DTNBP1: variants seen among roughly 807,000 people sequenced by gnomAD.
DTNBP1 encodes the protein dysbindin.
Under a neutral mutation model 42.8 loss-of-function variants are expected in DTNBP1, and 35 were observed. The ratio of observed to expected loss-of-function variants is 0.82; its 90% CI spans 0.63 to 1.09. The LOEUF is 1.09. Among genes scored for constraint, DTNBP1 ranks in the 50% least tolerant of loss-of-function variants. The pLI is 0.00. For missense variants in DTNBP1, 457 were observed against 424.2 expected (o/e 1.08, Z -0.68); for synonymous variants, 171 against 162.2 (o/e 1.05, Z -0.41).
intron 7 of DTNBP1, chr6:15,546,028 C>A: frequency 2.2e-6 from 1 of 447,952 alleles, no homozygotes; most frequent in Non-Finnish European, 4.5e-6. Context: ...GAGGGTGGAG[C>A]TGGCTGAATA....
intron 4 of DTNBP1, among the ~76,000 whole-genome samples, chr6:15,629,808 A>G (rs916286866): frequency 7.2e-5 from 11 of 152,176 alleles, no homozygotes; most frequent in African/African-American, 2.7e-4. Context: ...CTTAGATTCC[A>G]TCCCAGGGAA....
rs904473055 is a variant in DTNBP1, at chr6:15,524,555, T to C, written c.782A>G (p.Glu261Gly). 2 of 1,610,316 alleles carry C rather than the reference T, an allele frequency of 1.2e-6. No individual in the cohort carries two copies. Among genetic ancestry groups the C allele is most frequent in the East Asian group, 2.2e-5 (1 of 44,798 alleles). Residue 261 changes from glutamate to glycine, a missense_variant, in exon 9 of 10, where the codon GAA becomes GGA. Coordinates refer to ENST00000344537, the MANE Select transcript of DTNBP1 (RefSeq NM_032122.5). ...GGCGGGGGACAGCACAGTGTTCTCT[T>C]CTCCTCCAGAGTTCAGGAAGACGTC... ...ALDVFLNSGG[E>G]ENTVLSPALG...
chr6:15,591,355 C>T (rs540446882), intron 7 of DTNBP1, among the ~76,000 whole-genome samples: 1 of 152,240 alleles, frequency 6.6e-6, no homozygotes, highest in East Asian at 1.9e-4. Flanking sequence ...CTCGGCCTCC[C>T]AAAGGAGGCC....
chr6:15,619,974 A>T (rs1758947099), intron 5 of DTNBP1, among the ~76,000 whole-genome samples: 2 of 151,196 alleles, frequency 1.3e-5, no homozygotes, highest in East Asian at 1.9e-4. Context: ...GCTTATAAAA[A>T]CTCCCTCTCC....
At chr6:15,534,693 A>AAAGT (rs1677868302) in intron 7 of DTNBP1, among the ~76,000 whole-genome samples, 2 of 152,030 alleles carry the variant, frequency 1.3e-5, no homozygotes, top group Admixed American at 6.6e-5. Flanking sequence ...TGGGAACAAA[A>AAAGT]AAAGTAAGTA....
chr6:15,659,507 C>T (rs1421821558), intron 1 of DTNBP1, among the ~76,000 whole-genome samples: 2 of 151,972 alleles, frequency 1.3e-5, no homozygotes, highest in East Asian at 1.9e-4. Flanking sequence ...GTGGCCAGGG[C>T]CATGTTTTTT....
chr6:15,589,885 A>G (rs1237072868), intron 7 of DTNBP1, among the ~76,000 whole-genome samples: 1 of 152,146 alleles, frequency 6.6e-6, no homozygotes, highest in Admixed American at 6.5e-5. Flanking sequence ...TCTACCATTC[A>G]TGATTGAATA....
intron 1 of DTNBP1, 68 bp from the exon 2 acceptor site, chr6:15,652,208 G>C: frequency 7.7e-7 from 1 of 1,298,988 alleles, no homozygotes; most frequent in African/African-American, 1.5e-5. Flanking sequence ...TTGAGACAGG[G>C]TCTCACTCTG....
At chr6:15,660,268 T>C in intron 1 of DTNBP1, 1 of 992,482 alleles carries the variant, frequency 1.0e-6, no homozygotes. Context: ...GTGTGCTGTG[T>C]TTAGCGTCAT....
intron 6 of DTNBP1, among the ~76,000 whole-genome samples, chr6:15,602,407 A>G (rs1408071777): frequency 6.6e-6 from 1 of 152,214 alleles, no homozygotes; most frequent in African/African-American, 2.4e-5. Context: ...TGCCTGTCCC[A>G]GCTCTCATAT....
chr6:15,641,473 C>T (rs1007826069), intron 3 of DTNBP1, among the ~76,000 whole-genome samples: 8 of 152,142 alleles, frequency 5.3e-5, no homozygotes, highest in African/African-American at 1.4e-4. Context: ...TAGTTCTCTG[C>T]TCCCCTTACC....
intron 1 of DTNBP1, among the ~76,000 whole-genome samples, chr6:15,657,211 C>T (rs1301965564): frequency 6.6e-6 from 1 of 152,208 alleles, no homozygotes; most frequent in African/African-American, 2.4e-5. Context: ...GTTCTCACTT[C>T]TCACCTGAGC....
chr6:15,659,564 T>TTTTTTTTTTTTTTTTTTTTC (rs1342020822), intron 1 of DTNBP1, among the ~76,000 whole-genome samples: 1 of 151,006 alleles, frequency 6.6e-6, no homozygotes, highest in African/African-American at 2.4e-5. Context: ...TCTTTTTTTT[T>TTTTTTTTTTTTTTTTTTTTC]TTTTTTGAGA....
Position 15,547,198 on chromosome 6 carries a change from C to T in DTNBP1, c.512-13803G>A, listed in dbSNP as rs552902895. The stretch of plus-strand genomic sequence containing the variant: ...AAAAGTAGTATAAACCAACTGCCAG[C>T]GTCTGTGAGTGAAAATTATTTATTA... On this transcript the variant is annotated intron_variant, in intron 7 of 9. Transcript: ENST00000344537. Among the ~76,000 whole-genome samples the T allele has an allele frequency of 3.3e-5, 5 of 152,250 alleles. No individual in the cohort carries two copies. The South Asian group carries it at 1.0e-3, about 32-fold the overall frequency.
At chr6:15,617,352 A>C (rs1302936488) in intron 5 of DTNBP1, among the ~76,000 whole-genome samples, 2 of 152,216 alleles carry the variant, frequency 1.3e-5, no homozygotes, top group Non-Finnish European at 2.9e-5. Flanking sequence ...CATTCCTCAC[A>C]GAAATAGAAA....
intron 6 of DTNBP1, among the ~76,000 whole-genome samples, chr6:15,606,165 A>C (rs968568999): frequency 6.6e-6 from 1 of 152,106 alleles, no homozygotes; most frequent in Non-Finnish European, 1.5e-5. Context: ...ATATTTCCCT[A>C]CCCACTGGGA....
chr6:15,524,412 T>C (rs1190170139), intron 9 of DTNBP1, 114 bp downstream of exon 9: 11 of 1,611,432 alleles, frequency 6.8e-6, no homozygotes, highest in South Asian at 2.2e-5. Context: ...GAGCTGGCTG[T>C]GAGCTTGGGG....
chr6:15,563,035 A>C (rs1305818579), intron 7 of DTNBP1, among the ~76,000 whole-genome samples: 1 of 152,218 alleles, frequency 6.6e-6, no homozygotes, highest in Non-Finnish European at 1.5e-5. Flanking sequence ...AGTTTCACTG[A>C]GAACCAGAAG....
intron 9 of DTNBP1, among the ~76,000 whole-genome samples, 161 bp from the exon 10 acceptor site, chr6:15,523,380 G>C (rs1031079275): frequency 1.5e-4 from 23 of 152,118 alleles, no homozygotes; most frequent in African/African-American, 5.6e-4. Context: ...GGAAGACACT[G>C]AGCTGAGCGA....
Sources: gnomAD v4.1 joint callset for allele counts (sites outside exome capture counted in the v4.1 genomes callset) on GRCh38, gnomAD v4.1.1 for gene constraint, MANE v1.5 for transcripts, NCBI Gene and HGNC (gene_info 2026-07-23, HGNC 2026-07-21) for gene names.